The following PRPF18 variants were observed in gnomAD, a reference collection of about 807,000 sequenced individuals.
PRPF18 encodes the protein pre-mRNA-splicing factor 18.
A neutral mutation model predicts 46.5 loss-of-function variants in PRPF18; 38 were observed. The observed-to-expected ratio is 0.82, with a 90% CI of 0.63 to 1.07. PRPF18 has a LOEUF of 1.07. Among genes scored for constraint, PRPF18 ranks in the 50% least tolerant of loss-of-function variants. PRPF18 has a pLI of 0.00. For missense variants in PRPF18, 263 were observed against 410.0 expected (o/e 0.64, Z 3.10); for synonymous variants, 152 against 146.7 (o/e 1.04, Z -0.26).
At chr10:13,589,019 C>T (rs867546865) in intron 1 of PRPF18, among the ~76,000 whole-genome samples, 6 of 152,342 alleles carry the variant, frequency 3.9e-5, no homozygotes, top group African/African-American at 1.4e-4. Context: ...CACCTGTTGA[C>T]ACATTTCATT....
At chr10:13,597,322 C>A in intron 1 of PRPF18, 136 bp from the exon 2 acceptor site, 1 of 629,530 alleles carries the variant, frequency 1.6e-6, no homozygotes, top group South Asian at 2.3e-5. Context: ...ATCTCTGGAA[C>A]CAAAAAATAT....
intron 9 of PRPF18, among the ~76,000 whole-genome samples, chr10:13,621,709 G>A (rs1050063229): frequency 1.3e-5 from 2 of 152,168 alleles, no homozygotes; most frequent in Non-Finnish European, 2.9e-5. Context: ...TTCCTTTGGA[G>A]GTTAGAAGAT....
intron 4 of PRPF18, among the ~76,000 whole-genome samples, chr10:13,608,267 C>A (rs192857854): frequency 1.4e-4 from 21 of 152,310 alleles, no homozygotes; most frequent in Admixed American, 1.3e-3. Context: ...AGGCTGCGGC[C>A]GAAATCATGT....
At chr10:13,625,052 G>A (rs1204487964) in intron 9 of PRPF18, among the ~76,000 whole-genome samples, 1 of 152,200 alleles carries the variant, frequency 6.6e-6, no homozygotes, top group South Asian at 2.1e-4. Context: ...TATCCTTAGA[G>A]GCCAAGCGTG....
chr10:13,591,841 C>A (rs750204547), intron 1 of PRPF18: 1 of 1,432,290 alleles, frequency 7.0e-7, no homozygotes, highest in Non-Finnish European at 9.4e-7. Flanking sequence ...GAAGACCGCC[C>A]TCTTGCCTCT....
intron 3 of PRPF18, among the ~76,000 whole-genome samples, chr10:13,604,354 A>T (rs2080155790): frequency 6.6e-6 from 1 of 152,230 alleles, no homozygotes; most frequent in African/African-American, 2.4e-5. Flanking sequence ...TCCTTTTTAA[A>T]ATGACATACA....
chr10:13,623,290 A>G (rs1180202017), intron 9 of PRPF18, among the ~76,000 whole-genome samples: 1 of 152,266 alleles, frequency 6.6e-6, no homozygotes, highest in Non-Finnish European at 1.5e-5. Flanking sequence ...GAAATGATAG[A>G]AATGTACTTA....
chr10:13,651,732 T>G, the PRPF18 span: 1 of 614,336 alleles, frequency 1.6e-6, no homozygotes, highest in Non-Finnish European at 2.9e-6. Context: ...ATCATAATTT[T>G]GATGTAAGAA....
At chr10:13,591,405 T>G (rs2079959303) in intron 1 of PRPF18, 5 of 459,852 alleles carry the variant, frequency 1.1e-5, no homozygotes, top group Non-Finnish European at 1.5e-5. Flanking sequence ...CATGTTTTAT[T>G]CAGTCCTCCT....
chr10:13,650,578 A>T, the PRPF18 span, among the ~76,000 whole-genome samples: 399 of 152,300 alleles, frequency 2.6e-3, 4 homozygotes, highest in Middle Eastern at 0.01. Context: ...GAAAAAGGCC[A>T]TTCTTCCTAC....
intron 2 of PRPF18, among the ~76,000 whole-genome samples, chr10:13,598,604 T>G (rs1042353812): frequency 2.0e-5 from 3 of 152,250 alleles, no homozygotes; most frequent in African/African-American, 7.2e-5. Flanking sequence ...ATATTTCTGA[T>G]GTTTTTAAAA....
chr10:13,612,582 G>A (rs969202109), intron 6 of PRPF18, among the ~76,000 whole-genome samples: 5 of 146,848 alleles, frequency 3.4e-5, no homozygotes, highest in South Asian at 2.1e-4. Flanking sequence ...ACAGTGTCCC[G>A]CTGAATTTCT....
In PRPF18 at chr10:13,611,599, G is replaced by T. The variant is rs1478519251; in HGVS notation, c.511-16G>T. 6.2e-7 allele frequency: 1 copy of T among 1,609,446 alleles called. No individual in the cohort carries two copies. The highest frequency in any genetic ancestry group is 1.7e-5 in the Admixed American group (1 of 59,914). On this transcript the variant is annotated splice_polypyrimidine_tract_variant and intron_variant, in intron 5 of 9. Transcript: ENST00000378572. The stretch of plus-strand genomic sequence containing the variant: ...CTCTGTATTAATGAACAGAAGCATT[G>T]TTTCTTTTTCTTCAGGCGCTTGGAG...
At chr10:13,637,800 T>C in the PRPF18 span, 1 of 152,188 alleles carries the variant, frequency 6.6e-6, no homozygotes, top group Non-Finnish European at 1.5e-5. Context: ...TGTTTAAGAG[T>C]GTAAGATTTG....
At chr10:13,652,363 C>A in the PRPF18 span, 1 of 218,354 alleles carries the variant, frequency 4.6e-6, no homozygotes, top group South Asian at 9.0e-5. Context: ...CATTTCGGAG[C>A]CTGTTGACAG....
rs1345331021 is a variant in PRPF18, at chr10:13,586,986, C to T, written c.-101C>T. The T allele has an allele frequency of 1.8e-5, 22 of 1,222,848 alleles. No individual in the cohort carries two copies. The highest frequency in any genetic ancestry group is 2.7e-5 in the Non-Finnish European group (22 of 825,884). The allele number at this position is 1,222,848 out of a possible 1,614,324, so 75.7% of individuals were successfully genotyped here. On this transcript the variant is annotated 5_prime_UTR_variant, in exon 1 of 10. Transcript: ENST00000378572. ...TGTCAGTTGTTCTCAGGTGTTTGGG[C>T]TTGTTGTTCCGTATACTCAGTGGGT...
intron 9 of PRPF18, among the ~76,000 whole-genome samples, chr10:13,624,422 G>A (rs770275704): frequency 3.9e-5 from 6 of 152,242 alleles, no homozygotes; most frequent in South Asian, 2.1e-4. Flanking sequence ...CTGGGGACAC[G>A]GAGGATATTA....
At chr10:13,590,469 A>G (rs1233564022) in intron 1 of PRPF18, among the ~76,000 whole-genome samples, 1 of 149,098 alleles carries the variant, frequency 6.7e-6, no homozygotes, top group African/African-American at 2.4e-5. Context: ...ATATATATAT[A>G]TATTAGCTGG....
At chr10:13,603,680 T>A (rs900536144) in intron 3 of PRPF18, among the ~76,000 whole-genome samples, 1 of 152,236 alleles carries the variant, frequency 6.6e-6, no homozygotes, top group Non-Finnish European at 1.5e-5. Flanking sequence ...TGGATAGGAC[T>A]GAATGTAAGT....
Sources: gnomAD v4.1 joint callset for allele counts (sites outside exome capture counted in the v4.1 genomes callset) on GRCh38, gnomAD v4.1.1 for gene constraint, MANE v1.5 for transcripts, NCBI Gene and HGNC (gene_info 2026-07-23, HGNC 2026-07-21) for gene names.